The following FBXW8 variants were observed in gnomAD, a reference collection of about 807,000 sequenced individuals.
FBXW8 encodes the protein F-box/WD repeat-containing protein 8.
In FBXW8, 57 loss-of-function variants were observed where a neutral mutation model predicts 65.3. The observed-to-expected ratio is 0.87, with a 90% CI of 0.71 to 1.09. The LOEUF is 1.09. Among genes scored for constraint, FBXW8 ranks in the 50% least tolerant of loss-of-function variants. The probability of loss-of-function intolerance (pLI) is 0.00; values close to 1 mark genes in which losing one functional copy is unlikely to be tolerated. For synonymous variants in FBXW8, 308 were observed against 330.2 expected (o/e 0.93, Z 0.73); for missense variants, 777 against 814.8 (o/e 0.95, Z 0.57).
At position 117,014,146 on chromosome 12, in the gene FBXW8, G is replaced by T. The variant is rs149471484; in HGVS notation, c.1367+3696G>T. Among the ~76,000 whole-genome samples, 174 of 152,154 alleles carry T rather than the reference G, an allele frequency of 1.1e-3. 2 individuals carry two copies. In the East Asian group the frequency reaches 0.027, roughly 24 times the overall value. On this transcript the variant is annotated intron_variant, in intron 8 of 10. Coordinates refer to ENST00000652555, the MANE Select transcript of FBXW8 (RefSeq NM_153348.3). ...CCAAACCTTTCTTTCTGTTCTTCAG[G>T]CTGCATCATCTCCGTTGCTCTGACT...
chr12:116,920,518 A>G (rs1880811686), intron 1 of FBXW8, among the ~76,000 whole-genome samples: 1 of 152,246 alleles, frequency 6.6e-6, no homozygotes, highest in Non-Finnish European at 1.5e-5. Flanking sequence ...TGGAGAAGAA[A>G]TAAGCAGACA....
intron 5 of FBXW8, among the ~76,000 whole-genome samples, chr12:116,969,389 G>A (rs922803070): frequency 4.6e-5 from 7 of 152,150 alleles, no homozygotes; most frequent in Admixed American, 2.6e-4. Context: ...GTCAGGTGGC[G>A]TTACCTTTGG....
At position 117,028,060 on chromosome 12, in the gene FBXW8, C is replaced by G. The variant is rs536148392; in HGVS notation, c.1685C>G (p.Ala562Gly). ...GGGCTGATCCGCGCCTATGAGTTTG[C>G]GGTGGACCAGCTGGCCTTCCAGAGC... Reference protein sequence around the residue: ...HRGLIRAYEFAVDQLAFQSPL... With the variant: ...HRGLIRAYEFGVDQLAFQSPL... Residue 562 changes from alanine (A) to glycine (G), a missense_variant, in exon 11 of 11, where the codon GCG becomes GGG. Ala to Gly is a moderately conservative substitution (Grantham distance 60). Coordinates refer to ENST00000652555, the MANE Select transcript of FBXW8 (RefSeq NM_153348.3). The surrounding 1 kb of genome is among the most constrained non-coding windows in gnomAD (Gnocchi z 4.1). 1.2e-6 allele frequency: 2 copies of G among 1,614,042 alleles called. No homozygotes were observed. The highest frequency in any genetic ancestry group is 8.5e-7 in the Non-Finnish European group (1 of 1,180,008).
intron 1 of FBXW8, among the ~76,000 whole-genome samples, chr12:116,912,448 A>AT (rs954550711): frequency 3.9e-5 from 5 of 126,834 alleles, no homozygotes; most frequent in African/African-American, 1.5e-4. Flanking sequence ...ATTGAGAATC[A>AT]TTCTTTTTTT....
At chr12:116,933,351 G>C (rs1346788877) in intron 2 of FBXW8, among the ~76,000 whole-genome samples, 1 of 152,218 alleles carries the variant, frequency 6.6e-6, no homozygotes, top group Non-Finnish European at 1.5e-5. Context: ...TTGCTCCCCT[G>C]CTTTGTAGAG....
intron 8 of FBXW8, among the ~76,000 whole-genome samples, chr12:117,017,411 C>A (rs1251672398): frequency 6.6e-6 from 1 of 152,160 alleles, no homozygotes; most frequent in Non-Finnish European, 1.5e-5. Context: ...GAGATACAGC[C>A]TTAAAATACA....
At chr12:117,026,825 C>T (rs61638586) in intron 9 of FBXW8, among the ~76,000 whole-genome samples, 104 of 152,346 alleles carry the variant, frequency 6.8e-4, no homozygotes, top group African/African-American at 2.5e-3. Context: ...TGACCACAGC[C>T]GGTACTGCAT....
chr12:117,011,715 C>T (rs893082448), intron 8 of FBXW8, among the ~76,000 whole-genome samples: 5 of 152,036 alleles, frequency 3.3e-5, no homozygotes, highest in Non-Finnish European at 7.4e-5. Flanking sequence ...TGAGGAGAGG[C>T]GATGTGGAGA....
chr12:116,950,195 T>A (rs968236723), intron 4 of FBXW8: 4 of 151,990 alleles, frequency 2.6e-5, no homozygotes, highest in African/African-American at 4.9e-5. Flanking sequence ...TTTTTTTTTC[T>A]CCATGGCCAA....
At position 117,028,342 on chromosome 12, in the gene FBXW8, T is replaced by A; in HGVS notation, c.*170T>A. The A allele has an allele frequency of 1.3e-6, 1 of 781,956 alleles. No homozygotes were observed. The highest frequency in any genetic ancestry group is 2.0e-6 in the Non-Finnish European group (1 of 503,356). 48.4% of individuals were successfully genotyped at this position (781,956 alleles called of 1,614,324 possible). On this transcript the variant is annotated 3_prime_UTR_variant, in exon 11 of 11. Transcript: ENST00000652555. The surrounding 1 kb of genome is among the most constrained non-coding windows in gnomAD (Gnocchi z 4.1). The stretch of plus-strand genomic sequence containing the variant: ...TGACCCCTGCACTTCCCCCAGCGCC[T>A]GGGGCAAGCTGGCGTGTGCCAGGGC...
chr12:117,009,086 C>T (rs1025069178), intron 7 of FBXW8, among the ~76,000 whole-genome samples: 1 of 152,026 alleles, frequency 6.6e-6, no homozygotes, highest in African/African-American at 2.4e-5. Context: ...AAACAAAAAC[C>T]TTTGGCTGGG....
intron 1 of FBXW8, 112 bp downstream of exon 1, chr12:116,911,467 T>A: frequency 1.4e-6 from 1 of 695,726 alleles, no homozygotes; most frequent in Non-Finnish European, 1.9e-6. Context: ...CCCGAGAAAA[T>A]GAGTAGACGC....
chr12:116,991,528 A>G (rs1413940859), intron 7 of FBXW8, among the ~76,000 whole-genome samples: 7 of 152,194 alleles, frequency 4.6e-5, no homozygotes, highest in Admixed American at 4.6e-4. Flanking sequence ...ACCATGCTTG[A>G]ACATCTCTGT....
intron 1 of FBXW8, among the ~76,000 whole-genome samples, chr12:116,918,201 T>G (rs1880598644): frequency 6.6e-6 from 1 of 152,182 alleles, no homozygotes; most frequent in Non-Finnish European, 1.5e-5. Context: ...GCACTTTCTC[T>G]GTTGTCTTCT....
chr12:116,971,042 T>TA (rs901682544), intron 5 of FBXW8, among the ~76,000 whole-genome samples: 2 of 152,150 alleles, frequency 1.3e-5, no homozygotes, highest in African/African-American at 4.8e-5. Flanking sequence ...CTTTTTTTTT[T>TA]AACACTAGGA....
At chr12:116,997,189 G>C (rs1953397857) in intron 7 of FBXW8, among the ~76,000 whole-genome samples, 1 of 152,312 alleles carries the variant, frequency 6.6e-6, no homozygotes, top group Middle Eastern at 3.4e-3. Context: ...AAGACAGAGC[G>C]AGAAACCTCT....
chr12:116,918,618 A>G (rs1565896400), intron 1 of FBXW8, among the ~76,000 whole-genome samples: 1 of 152,208 alleles, frequency 6.6e-6, no homozygotes, highest in African/African-American at 2.4e-5. Flanking sequence ...GCTGCAAGTC[A>G]TGAACCTAAA....
Position 116,923,865 on chromosome 12 carries a change from C to T in FBXW8, c.319-4158C>T, listed in dbSNP as rs187236942. ...CCTCCTGAGTAACTGGGACTACAGG[C>T]GCCTGCCACCAGGCCCGGCTAATTT... On this transcript the variant is annotated intron_variant, in intron 1 of 10. Transcript: ENST00000652555. Among the ~76,000 whole-genome samples, 257 of 152,266 alleles carry T rather than the reference C, an allele frequency of 1.7e-3. 1 individual carries two copies. Among genetic ancestry groups the T allele is most frequent in the Middle Eastern group, 3.4e-3 (1 of 294 alleles).
At chr12:116,963,161 G>T (rs1002260806) in intron 4 of FBXW8, among the ~76,000 whole-genome samples, 1 of 152,236 alleles carries the variant, frequency 6.6e-6, no homozygotes, top group Non-Finnish European at 1.5e-5. Flanking sequence ...GTGCCACCCT[G>T]CAGGTAGAGA....
Sources: allele counts gnomAD v4.1 joint callset (sites outside exome capture counted in the v4.1 genomes callset), GRCh38; gene constraint gnomAD v4.1.1; non-coding constraint Gnocchi (gnomAD v3.1); transcripts MANE v1.5; gene names NCBI Gene and HGNC (gene_info 2026-07-23, HGNC 2026-07-21).